The following LETM2 variants were observed in gnomAD, a reference collection of about 807,000 sequenced individuals.
LETM2 encodes leucine zipper and EF-hand containing transmembrane protein 2, also known as LETM1 domain-containing protein LETM2, mitochondrial.
A neutral mutation model predicts 59.6 loss-of-function variants in LETM2; 58 were observed. The ratio of observed to expected loss-of-function variants is 0.97; its 90% CI spans 0.79 to 1.21. The LOEUF is 1.21. LETM2 is among the 50% of genes most tolerant of loss of function. LETM2 has a pLI of 0.00. For synonymous variants in LETM2, 199 were observed against 214.1 expected, an observed-to-expected ratio of 0.93 and a Z score of 0.62; for missense variants, 572 against 575.7, an observed-to-expected ratio of 0.99 and a Z score of 0.07.
At chr8:38,396,515 T>A (rs1339849195) in intron 4 of LETM2, among the ~76,000 whole-genome samples, 1 of 152,204 alleles carries the variant, frequency 6.6e-6, no homozygotes, top group Non-Finnish European at 1.5e-5. Context: ...CATTTCTCTC[T>A]TTTTTGTATG....
chr8:38,399,937 C>T (rs1184042542), intron 4 of LETM2, among the ~76,000 whole-genome samples: 1 of 151,068 alleles, frequency 6.6e-6, no homozygotes, highest in African/African-American at 2.4e-5. Flanking sequence ...CAGAGTGGGA[C>T]TTGATCTCAA....
intron 8 of LETM2, chr8:38,404,763 T>C (rs1246261535): frequency 2.6e-6 from 1 of 381,898 alleles, no homozygotes; most frequent in African/African-American, 2.1e-5. Context: ...GTGGATCACC[T>C]GAGGTCAGGA....
upstream of LETM2, chr8:38,382,493 G>C (rs1811622412): frequency 6.6e-6 from 1 of 152,474 alleles, no homozygotes; most frequent in African/African-American, 2.4e-5. The surrounding 1 kb of genome is among the most constrained non-coding windows in gnomAD (Gnocchi z 4.2). Flanking sequence ...GCCGAGGAAC[G>C]AGGGACGGGG....
intron 6 of LETM2, among the ~76,000 whole-genome samples, chr8:38,401,847 A>G (rs1813256256): frequency 6.6e-6 from 1 of 152,240 alleles, no homozygotes; most frequent in African/African-American, 2.4e-5. Context: ...CCCTTGGACT[A>G]TAACTACTAA....
chr8:38,386,426 G>A (rs1811777818), upstream of LETM2: 1 of 152,242 alleles, frequency 6.6e-6, no homozygotes, highest in Non-Finnish European at 1.5e-5. Context: ...TTATTGGTTG[G>A]CGATGTCGTC....
chr8:38,386,371 G>A (rs972493529), upstream of LETM2: 1 of 152,178 alleles, frequency 6.6e-6, no homozygotes, highest in Non-Finnish European at 1.5e-5. Context: ...CGGCTTCCTG[G>A]GCTGCTAAGG....
chr8:38,403,598 A>C (rs914157441), intron 7 of LETM2, among the ~76,000 whole-genome samples: 2 of 152,260 alleles, frequency 1.3e-5, no homozygotes, highest in Non-Finnish European at 2.9e-5. Flanking sequence ...AGTAACTCCT[A>C]TTACATTTCA....
chr8:38,391,660 G>A (rs1812291169), intron 2 of LETM2, among the ~76,000 whole-genome samples: 1 of 151,456 alleles, frequency 6.6e-6, no homozygotes, highest in Non-Finnish European at 1.5e-5. Flanking sequence ...TGCAATACCA[G>A]AAGCTAGAGA....
Position 38,394,257 on chromosome 8 carries a change from T to G in LETM2, c.645+16T>G. 3 of 1,369,580 alleles carry G rather than the reference T, an allele frequency of 2.2e-6. No individual in the cohort carries two copies. Among genetic ancestry groups the G allele is most frequent in the South Asian group, 3.0e-5 (2 of 67,550 alleles). 84.8% of individuals were successfully genotyped at this position (1,369,580 alleles called of 1,614,324 possible). On this transcript the variant is annotated intron_variant, in intron 4 of 10. Transcript: ENST00000379957. ...ATCCAAAAAGGTATGATTTTTTAACTTTAATAAAATTTAATAAACCTTATT... is the reference window on the plus strand; with the variant it reads ...ATCCAAAAAGGTATGATTTTTTAACGTTAATAAAATTTAATAAACCTTATT...
At chr8:38,393,244 A>G in intron 3 of LETM2, 1 of 427,076 alleles carries the variant, frequency 2.3e-6, no homozygotes, top group South Asian at 3.5e-5. Context: ...TCAGGGGTAC[A>G]TGTGCATGTT....
At chr8:38,399,397 TTTTC>T (rs753535239) in intron 4 of LETM2, among the ~76,000 whole-genome samples, 1 of 152,146 alleles carries the variant, frequency 6.6e-6, no homozygotes, top group African/African-American at 2.4e-5. Context: ...CATTTCCTAG[TTTTC>T]TTTGTTTGTA....
At chr8:38,391,181 C>CAAAAAAA (rs552521178) in intron 2 of LETM2, among the ~76,000 whole-genome samples, 3 of 51,932 alleles carry the variant, frequency 5.8e-5, no homozygotes, top group Admixed American at 2.3e-4. Context: ...CCTCCTGTCT[C>CAAAAAAA]AAAAAAAAAA....
In LETM2 at chr8:38,407,000, A is replaced by G. The variant is rs1250439494; in HGVS notation, c.1273A>G (p.Asn425Asp). The change falls in exon 9 of 11, where the codon AAC becomes GAC. Residue 425 changes from asparagine (N) to aspartate (D), a missense_variant. Physicochemically the swap from Asn to Asp is conservative, Grantham distance 23. Transcript: ENST00000379957. ...ACCTACTTTCACTGAATCTAAAGAG[A>G]ACATGGTGGATCTTGCACCTCAACT... is the stretch of plus-strand genomic sequence containing the variant. Reference protein sequence around the residue: ...ELPTFTESKENMVDLAPQLKG... With the variant: ...ELPTFTESKEDMVDLAPQLKG... The G allele has an allele frequency of 6.2e-7, 1 of 1,612,262 alleles. No homozygotes were observed. The highest frequency in any genetic ancestry group is 1.3e-5 in the African/African-American group (1 of 75,008).
upstream of LETM2, among the ~76,000 whole-genome samples, chr8:38,384,199 G>C (rs1190408969): frequency 1.3e-5 from 2 of 150,252 alleles, no homozygotes; most frequent in African/African-American, 4.9e-5. Context: ...TTGCTTTGTT[G>C]ATAAACTGTT....
At chr8:38,398,988 T>G (rs1045859962) in intron 4 of LETM2, among the ~76,000 whole-genome samples, 9 of 152,048 alleles carry the variant, frequency 5.9e-5, no homozygotes, top group African/African-American at 2.2e-4. Flanking sequence ...CCCAAAGTGC[T>G]GGGATTACAG....
chr8:38,405,487 A>T, intron 8 of LETM2, among the ~76,000 whole-genome samples: 1 of 152,186 alleles, frequency 6.6e-6, no homozygotes, highest in Admixed American at 6.5e-5. Context: ...TTACATCTTA[A>T]TTATGCTGTT....
intron 4 of LETM2, among the ~76,000 whole-genome samples, chr8:38,395,293 T>C (rs1812599917): frequency 6.6e-6 from 1 of 152,182 alleles, no homozygotes; most frequent in Non-Finnish European, 1.5e-5. Flanking sequence ...TTTAAGAAAT[T>C]GCTAAACTGT....
intron 4 of LETM2, among the ~76,000 whole-genome samples, chr8:38,395,528 T>G (rs1316761403): frequency 1.3e-5 from 2 of 152,168 alleles, no homozygotes; most frequent in Non-Finnish European, 2.9e-5. Context: ...TGACTTTTTT[T>G]TTTTTGAGAA....
At chr8:38,391,300 G>GTTTTTTTTTTTTTTTTTTTTTTTTTT (rs761566202) in intron 2 of LETM2, among the ~76,000 whole-genome samples, 1 of 109,164 alleles carries the variant, frequency 9.2e-6, no homozygotes, top group African/African-American at 3.5e-5. Context: ...TTTTATTTTA[G>GTTTTTTTTTTTTTTTTTTTTTTTTTT]TTTTTTTTTT....
Sources: gnomAD v4.1 joint callset for allele counts (sites outside exome capture counted in the v4.1 genomes callset) on GRCh38, gnomAD v4.1.1 for gene constraint, Gnocchi (gnomAD v3.1) non-coding constraint, MANE v1.5 for transcripts, NCBI Gene and HGNC (gene_info 2026-07-23, HGNC 2026-07-21) for gene names.